Variants in ATXN1 observed in about 807,000 individuals in gnomAD.
ATXN1 encodes ataxin-1.
Under a neutral mutation model 56.4 loss-of-function variants are expected in ATXN1, and 8 were observed. The ratio of observed to expected loss-of-function variants is 0.14; its 90% CI spans 0.08 to 0.26. ATXN1 has a LOEUF of 0.26. Among genes scored for constraint, ATXN1 ranks in the 10% least tolerant of loss-of-function variants. ATXN1 has a pLI of 1.00. For missense variants in ATXN1, 987 were observed against 1,106.5 expected, an observed-to-expected ratio of 0.89 and a Z score of 1.53; for synonymous variants, 514 against 494.6, an observed-to-expected ratio of 1.04 and a Z score of -0.52.
chr6:16,665,327 A>G (rs936951490), intron 2 of ATXN1, among the ~76,000 whole-genome samples: 2 of 152,208 alleles, frequency 1.3e-5, no homozygotes, highest in Non-Finnish European at 2.9e-5. Context: ...GTAACATCAT[A>G]CCCTGGTCAT....
At chr6:16,569,222 A>G (rs1762285942) in intron 4 of ATXN1, among the ~76,000 whole-genome samples, 1 of 152,136 alleles carries the variant, frequency 6.6e-6, no homozygotes, top group South Asian at 2.1e-4. Flanking sequence ...GGTTTAAAAG[A>G]TGAAGAGTCC....
At chr6:16,689,634 A>T (rs1166090547) in intron 2 of ATXN1, among the ~76,000 whole-genome samples, 2 of 151,410 alleles carry the variant, frequency 1.3e-5, no homozygotes, top group African/African-American at 4.9e-5. Context: ...TTAATTGACA[A>T]ATAATAATTG....
chr6:16,347,247 C>T (rs1278592963), intron 6 of ATXN1, among the ~76,000 whole-genome samples: 2 of 152,130 alleles, frequency 1.3e-5, no homozygotes, highest in African/African-American at 4.8e-5. Context: ...TGGCAGGCAG[C>T]TCCACCTACT....
intron 6 of ATXN1, among the ~76,000 whole-genome samples, chr6:16,399,779 C>A (rs1259632656): frequency 1.3e-5 from 2 of 152,164 alleles, no homozygotes; most frequent in South Asian, 2.1e-4. Context: ...ACCTCCACCC[C>A]CTCCATCTCC....
At position 16,660,835 on chromosome 6, in the gene ATXN1, T is replaced by TG. The variant is rs1255860712; in HGVS notation, c.-614-2935_-614-2934insC. 8.1e-3 allele frequency among the ~76,000 whole-genome samples: 1,170 copies of TG among 144,484 alleles called. 17 individuals carry two copies. The highest frequency in any genetic ancestry group is 0.028 in the African/African-American group (1,105 of 38,846). 94.8% of individuals were successfully genotyped at this position (144,484 alleles called of 152,430 possible). On this transcript the variant is annotated intron_variant, in intron 2 of 7. Transcript: ENST00000436367. ...AAAAGAGGTTTATTTTGTTTTGGTT[T>TG]TTTTTTTTTTTTTTTTTTTTTGAGA... is the stretch of plus-strand genomic sequence containing the variant.
chr6:16,619,819 G>T (rs1763285261), intron 3 of ATXN1, among the ~76,000 whole-genome samples: 1 of 151,258 alleles, frequency 6.6e-6, no homozygotes, highest in Non-Finnish European at 1.5e-5. Context: ...GAGGGGCAAG[G>T]ATCGCTTGAG....
intron 3 of ATXN1, among the ~76,000 whole-genome samples, chr6:16,657,320 G>A (rs932410388): frequency 6.6e-6 from 1 of 152,142 alleles, no homozygotes; most frequent in Non-Finnish European, 1.5e-5. Context: ...ACTGTAATAC[G>A]TGTGATCTGT....
At chr6:16,699,022 T>C (rs1241979390) in intron 2 of ATXN1, among the ~76,000 whole-genome samples, 1 of 152,192 alleles carries the variant, frequency 6.6e-6, no homozygotes, top group East Asian at 1.9e-4. Context: ...CAGAAATCAG[T>C]ATCTGCTCTT....
At chr6:16,667,836 G>A (rs902147479) in intron 2 of ATXN1, among the ~76,000 whole-genome samples, 1 of 152,036 alleles carries the variant, frequency 6.6e-6, no homozygotes, top group Admixed American at 6.6e-5. Flanking sequence ...ACCCACAATC[G>A]TTAAAAACAT....
chr6:16,605,550 CAA>C (rs1303130221), intron 3 of ATXN1, among the ~76,000 whole-genome samples: 1 of 152,132 alleles, frequency 6.6e-6, no homozygotes. Flanking sequence ...CAAAATTATT[CAA>C]AGAGAATGGG....
chr6:16,497,787 C>T lies in ATXN1; in HGVS notation c.-298-11678G>A, dbSNP rs115803171. ...TGAGTTAACACAGACCTTTCCAGGT[C>T]AGGTGTAGAATCTGGAGTGATGAAT... On this transcript the variant is annotated intron_variant, in intron 5 of 7. Transcript: ENST00000436367. Among the ~76,000 whole-genome samples the T allele has an allele frequency of 3.7e-3, 564 of 152,154 alleles. 3 individuals carry two copies. Among genetic ancestry groups the T allele is most frequent in the African/African-American group, 0.013 (525 of 41,502 alleles).
chr6:16,355,126 A>C (rs1761658957), intron 6 of ATXN1, among the ~76,000 whole-genome samples: 1 of 152,200 alleles, frequency 6.6e-6, no homozygotes, highest in Non-Finnish European at 1.5e-5. Context: ...AACTGCCTCA[A>C]ACTAGGCTGC....
chr6:16,694,272 A>G (rs1182945544), intron 2 of ATXN1, among the ~76,000 whole-genome samples: 4 of 118,772 alleles, frequency 3.4e-5, no homozygotes, highest in Non-Finnish European at 5.4e-5. Flanking sequence ...TTTTTTTAAG[A>G]GACGGAGTCT....
At chr6:16,616,015 A>T in intron 3 of ATXN1, 1 of 152,060 alleles carries the variant, frequency 6.6e-6, no homozygotes. Context: ...AGCCTGGGTG[A>T]CAGAGCAAGA....
intron 4 of ATXN1, among the ~76,000 whole-genome samples, chr6:16,563,001 T>C (rs919426127): frequency 1.3e-5 from 2 of 151,778 alleles, no homozygotes; most frequent in Admixed American, 6.6e-5. Flanking sequence ...ACGAGGGGTC[T>C]TGGAGCCTTG....
At chr6:16,530,650 T>C (rs752233017) in intron 4 of ATXN1, among the ~76,000 whole-genome samples, 4 of 152,142 alleles carry the variant, frequency 2.6e-5, no homozygotes, top group East Asian at 1.9e-4. Flanking sequence ...TAACTAATGG[T>C]TACTAGGCTT....
intron 7 of ATXN1, among the ~76,000 whole-genome samples, chr6:16,315,673 T>C (rs1049525346): frequency 6.6e-6 from 1 of 152,172 alleles, no homozygotes; most frequent in African/African-American, 2.4e-5. Context: ...GCTTCCTTTT[T>C]TTATTTTGAG....
chr6:16,450,378 T>G (rs742568), intron 6 of ATXN1, among the ~76,000 whole-genome samples: 2 of 152,110 alleles, frequency 1.3e-5, no homozygotes, highest in African/African-American at 4.8e-5. Context: ...TTTACACACA[T>G]GCATGGTTCT....
intron 6 of ATXN1, among the ~76,000 whole-genome samples, chr6:16,388,116 G>A (rs889316313): frequency 1.3e-5 from 2 of 152,172 alleles, no homozygotes; most frequent in Admixed American, 1.3e-4. Flanking sequence ...CTATGCACAG[G>A]GGAGTGTGAA....
Sources: gnomAD v4.1 joint callset for allele counts (sites outside exome capture counted in the v4.1 genomes callset) on GRCh38, gnomAD v4.1.1 for gene constraint, MANE v1.5 for transcripts, NCBI Gene and HGNC (gene_info 2026-07-23, HGNC 2026-07-21) for gene names.